CD1A: variants seen among roughly 807,000 people sequenced by gnomAD.
CD1A encodes T-cell surface glycoprotein CD1a.
Under a neutral mutation model 38.3 loss-of-function variants are expected in CD1A, and 50 were observed. The observed-to-expected ratio is 1.30, with a 90% CI of 1.04 to 1.65. The LOEUF is 1.65. Ranked by LOEUF, CD1A falls within the 40% of genes most tolerant of loss-of-function variation. The pLI, the probability that CD1A is intolerant of heterozygous loss-of-function variation, is 0.00. For synonymous variants in CD1A, 160 were observed against 150.8 expected, an observed-to-expected ratio of 1.06 and a Z score of -0.45; for missense variants, 459 against 406.1, an observed-to-expected ratio of 1.13 and a Z score of -1.12.
chr1:158,254,342 A>G (rs1571116914), upstream of CD1A: 4 of 1,186,302 alleles, frequency 3.4e-6, no homozygotes, highest in East Asian at 2.2e-4. Context: ...ATGATTGAGA[A>G]AAAAATGTCC....
chr1:158,251,208 T>A (rs982664282), upstream of CD1A, among the ~76,000 whole-genome samples: 11 of 152,226 alleles, frequency 7.2e-5, no homozygotes, highest in Non-Finnish European at 1.6e-4. Flanking sequence ...CATCACATGT[T>A]CGTCTTCATT....
rs146048507 is a variant in CD1A, at chr1:158,255,303, G to C, written c.278G>C (p.Arg93Pro). The change falls in exon 2 of 6, where the codon CGG (arginine) becomes CCG (proline). Residue 93 changes from arginine (R) to proline (P), a missense_variant. Physicochemically the swap from Arg to Pro is moderately radical, Grantham distance 103. Coordinates refer to ENST00000289429, the MANE Select transcript of CD1A (RefSeq NM_001763.3). ...LETLFRIRTI[R>P]SFEGIRRYAH... ...ACATTATTCCGTATACGCACCATTC[G>C]GTCATTTGAGGGAATTCGTAGATAC... 6.2e-6 allele frequency: 10 copies of C among 1,614,058 alleles called. No homozygotes were observed.
rs559573053 is a variant in CD1A at position 158,255,202 on chromosome 1, C to A, written c.177C>A (p.Ser59Arg). 12 of 1,614,162 alleles carry A rather than the reference C, an allele frequency of 7.4e-6. No individual in the cohort carries two copies. The South Asian group carries it at 1.1e-4, about 15-fold the overall frequency. Residue 59 changes from serine (S) to arginine (R), a missense_variant, in exon 2 of 6, where the codon AGC (serine) becomes AGA (arginine). Ser to Arg is a moderately radical substitution (Grantham distance 110, BLOSUM62 -1). Coordinates refer to ENST00000289429, the MANE Select transcript of CD1A (RefSeq NM_001763.3). ...ATTTGCAGACTCATACCTGGGACAG[C>A]AATTCCAGCACCATCGTTTTCCTGT... Reference protein sequence around the residue: ...LSDLQTHTWDSNSSTIVFLCP... With the variant: ...LSDLQTHTWDRNSSTIVFLCP...
In CD1A at chr1:158,257,469, T is replaced by C. The variant is rs759157956; in HGVS notation, c.932T>C (p.Leu311Ser). 12 of 1,614,184 alleles carry C rather than the reference T, an allele frequency of 7.4e-6. No homozygotes were observed. Among genetic ancestry groups the C allele is most frequent in the Non-Finnish European group, 1.0e-5 (12 of 1,180,008 alleles). Residue 311 changes from leucine (L) to serine (S), a missense_variant, in exon 5 of 6, where the codon TTA becomes TCA. Physicochemically the swap from Leu to Ser is moderately radical, Grantham distance 145. Transcript: ENST00000289429. ...GFIILAVIVP[L>S]LLLIGLALWF... is the part of the protein sequence containing the mutation. ...ATCATCTTGGCGGTGATAGTGCCTT[T>C]ACTTCTTCTGATAGGTCTTGCGCTT... is the stretch of plus-strand genomic sequence containing the variant.
intron 5 of CD1A, 52 bp downstream of exon 5, chr1:158,257,563 T>TAA (rs1410935470): frequency 1.1e-5 from 17 of 1,579,964 alleles, no homozygotes; most frequent in Non-Finnish European, 1.4e-5. Context: ...CCCACTTTTC[T>TAA]TCCCATGTTT....
Position 158,256,847 on chromosome 1 carries a change from G to A in CD1A, c.666G>A (p.Val222=). The A allele has an allele frequency of 1.2e-6, 2 of 1,614,244 alleles. No homozygotes were observed. Among genetic ancestry groups the A allele is most frequent in the Non-Finnish European group, 1.7e-6 (2 of 1,180,052 alleles). ...CTGGCCCTGGCCATCTGCAGCTTGT[G>A]TGCCATGTCTCAGGATTCTACCCAA... ...PSPGPGHLQL[V]CHVSGFYPKP... is the part of the protein sequence containing the mutation. Residue 222 remains valine (V), a synonymous_variant, in exon 4 of 6, where the codon GTG becomes GTA. Transcript: ENST00000289429.
At chr1:158,256,399 T>A (rs536923620) in intron 3 of CD1A, 117 bp downstream of exon 3, 2 of 1,001,786 alleles carry the variant, frequency 2.0e-6, no homozygotes, top group Non-Finnish European at 2.9e-6. Context: ...CTGGGTGCAG[T>A]GCCTCACATC....
rs1489986285 is a variant in CD1A at position 158,256,103 on chromosome 1, G to A, written c.425G>A (p.Ser142Asn). 2.5e-6 allele frequency: 4 copies of A among 1,614,070 alleles called. No homozygotes were observed. The highest frequency in any genetic ancestry group is 1.7e-6 in the Non-Finnish European group (2 of 1,180,046). Residue 142 changes from serine to asparagine, a missense_variant, in exon 3 of 6, where the codon AGC becomes AAC. Transcript: ENST00000289429. The stretch of plus-strand genomic sequence containing the variant: ...GCTTATCAAGGATCAGACTTTGTGA[G>A]CTTCCAGAACAATTCATGGTTGCCA... ...QLAYQGSDFV[S>N]FQNNSWLPYP...
intron 3 of CD1A, 98 bp from the exon 4 acceptor site, chr1:158,256,667 CCCTGTCTCAAAAAAAAAAAAA>C: frequency 8.6e-7 from 1 of 1,158,344 alleles, no homozygotes; most frequent in East Asian, 2.5e-5. Context: ...CAGAGTGAGA[CCCTGTCTCAAAAAAAAAAAAA>C]AGAGAAATGG....
chr1:158,257,147 A>AT, intron 4 of CD1A, 83 bp downstream of exon 4: 1 of 1,487,974 alleles, frequency 6.7e-7, no homozygotes, highest in Non-Finnish European at 9.0e-7. Context: ...AAATTTTAGG[A>AT]TTTTAGGGAT....
chr1:158,249,387 A>T, the CD1A span, among the ~76,000 whole-genome samples: 2 of 152,248 alleles, frequency 1.3e-5, no homozygotes, highest in African/African-American at 4.8e-5. Context: ...TGGTACATAG[A>T]GTACACTTTC....
At chr1:158,252,583 A>G (rs1469340696), upstream of CD1A, among the ~76,000 whole-genome samples, 1 of 152,204 alleles carries the variant, frequency 6.6e-6, no homozygotes, top group Non-Finnish European at 1.5e-5. Flanking sequence ...TCAAAAAATT[A>G]TAAGTATGAA....
At chr1:158,254,264 A>C, upstream of CD1A, 1 of 1,083,474 alleles carries the variant, frequency 9.2e-7, no homozygotes, top group Non-Finnish European at 1.1e-6. Context: ...CAGAGTGATC[A>C]AAAAGAGCAG....
Position 158,254,737 on chromosome 1 carries a change from C to CT in CD1A, c.58+11dup, listed in dbSNP as rs781211914. On this transcript the variant is annotated intron_variant, in intron 1 of 5. Coordinates refer to ENST00000289429, the MANE Select transcript of CD1A (RefSeq NM_001763.3). ...GATGGCAATGCAGACGGTAAGAACT[C>CT]TGACAACTGCCCAGTTGGGTGGTGG... 1.3e-6 allele frequency: 2 copies of CT among 1,591,936 alleles called. No individual in the cohort carries two copies. The highest frequency in any genetic ancestry group is 8.6e-7 in the Non-Finnish European group (1 of 1,159,964).
At chr1:158,254,167 A>G (rs986573626), upstream of CD1A, 7 of 994,058 alleles carry the variant, frequency 7.0e-6, no homozygotes, top group Non-Finnish European at 8.4e-6. Context: ...GAAAAAGCAA[A>G]TAAATCAATG....
chr1:158,251,926 G>A (rs1370680522), upstream of CD1A, among the ~76,000 whole-genome samples: 5 of 151,690 alleles, frequency 3.3e-5, no homozygotes, highest in East Asian at 1.9e-4. Flanking sequence ...GCGCGATCTC[G>A]GCTCACTGCA....
chr1:158,251,105 T>C (rs967838921), upstream of CD1A, among the ~76,000 whole-genome samples: 1 of 152,378 alleles, frequency 6.6e-6, no homozygotes, highest in East Asian at 1.9e-4. Context: ...ATATGTATTA[T>C]ATATGATATT....
chr1:158,253,868 G>C (rs1001340589), upstream of CD1A, among the ~76,000 whole-genome samples: 2 of 151,978 alleles, frequency 1.3e-5, no homozygotes, highest in African/African-American at 4.8e-5. Context: ...TAGAGAAAAA[G>C]CTCCTTCAGT....
At chr1:158,252,886 A>G (rs61818715), upstream of CD1A, among the ~76,000 whole-genome samples, 8,672 of 152,104 alleles carry the variant, frequency 0.057, 430 homozygotes, top group East Asian at 0.15. Context: ...TGACAGAGTG[A>G]GACTCTGTCT....
Sources: allele counts gnomAD v4.1 joint callset (sites outside exome capture counted in the v4.1 genomes callset), GRCh38; gene constraint gnomAD v4.1.1; transcripts MANE v1.5; gene names NCBI Gene and HGNC (gene_info 2026-07-23, HGNC 2026-07-21).